The following CSMD1 variants were observed in gnomAD, a reference collection of about 807,000 sequenced individuals.
CSMD1 encodes the protein CUB and Sushi multiple domains 1.
CSMD1 carries 213 observed loss-of-function variants against 417.5 expected under a neutral mutation model. The ratio of observed to expected loss-of-function variants is 0.51; its 90% CI spans 0.46 to 0.57. The LOEUF (loss-of-function observed/expected upper bound fraction) is 0.57. Ranked by LOEUF, CSMD1 falls within the 20% of genes least tolerant of loss-of-function variation. The pLI is 0.00. For synonymous variants in CSMD1, 2,862 were observed against 1,736.8 expected, an observed-to-expected ratio of 1.65 and a Z score of -16.11; for missense variants, 6,923 against 4,529.7, an observed-to-expected ratio of 1.53 and a Z score of -15.17.
At chr8:3,532,200 T>A (rs1261808939) in intron 10 of CSMD1, among the ~76,000 whole-genome samples, 3 of 152,212 alleles carry the variant, frequency 2.0e-5, no homozygotes, top group Non-Finnish European at 2.9e-5. Flanking sequence ...ACCCTTAGTA[T>A]GTCCGTGTCC....
chr8:3,368,290 G>C (rs1809730831), intron 19 of CSMD1, among the ~76,000 whole-genome samples: 2 of 152,136 alleles, frequency 1.3e-5, no homozygotes, highest in South Asian at 2.1e-4. Flanking sequence ...TATGTGAAAA[G>C]ACGAAGTCTA....
intron 5 of CSMD1, among the ~76,000 whole-genome samples, chr8:3,795,509 ATATC>A: frequency 8.6e-4 from 1 of 1,162 alleles, no homozygotes; most frequent in East Asian, 0.019. Context: ...ATATAGATAT[ATATC>A]TATCATAGAT....
At chr8:4,155,341 C>T (rs187923203) in intron 3 of CSMD1, among the ~76,000 whole-genome samples, 3 of 152,268 alleles carry the variant, frequency 2.0e-5, no homozygotes, top group African/African-American at 7.2e-5. Context: ...CTGCATGACT[C>T]CCGCAGGGTA....
intron 5 of CSMD1, among the ~76,000 whole-genome samples, chr8:3,944,066 T>C (rs891223902): frequency 1.3e-5 from 2 of 152,168 alleles, no homozygotes; most frequent in African/African-American, 4.8e-5. Flanking sequence ...CTCTCAACTA[T>C]TTCAAGAAAA....
chr8:4,937,704 C>T (rs10096103), intron 1 of CSMD1, among the ~76,000 whole-genome samples: 37,074 of 151,858 alleles, frequency 0.24, 4,649 homozygotes, highest in East Asian at 0.38. Flanking sequence ...GGGGTATGAA[C>T]GATTTCTTGA....
At chr8:4,644,323 C>T (rs1410012578) in intron 1 of CSMD1, among the ~76,000 whole-genome samples, 1 of 152,304 alleles carries the variant, frequency 6.6e-6, no homozygotes, top group South Asian at 2.1e-4. Flanking sequence ...ATTGAGGCCT[C>T]ATGCAGGTCT....
intron 5 of CSMD1, among the ~76,000 whole-genome samples, chr8:3,969,038 T>G (rs2688350): frequency 0.71 from 108,098 of 152,036 alleles, 39,061 homozygotes; most frequent in East Asian, 0.93. Context: ...ATCACTTGAG[T>G]TCAGGAGTTC....
intron 5 of CSMD1, among the ~76,000 whole-genome samples, chr8:3,976,434 G>C (rs771799579): frequency 4.6e-5 from 7 of 152,122 alleles, no homozygotes; most frequent in Non-Finnish European, 8.8e-5. Context: ...AAGGAAAGCA[G>C]TTTCCTTTTG....
At chr8:3,447,470 G>A (rs1164659163) in intron 12 of CSMD1, among the ~76,000 whole-genome samples, 4 of 152,180 alleles carry the variant, frequency 2.6e-5, no homozygotes, top group Non-Finnish European at 4.4e-5. Flanking sequence ...TTTAGGGTAA[G>A]AGCGATGCAT....
intron 3 of CSMD1, among the ~76,000 whole-genome samples, chr8:4,406,773 G>A (rs73177370): frequency 0.026 from 3,963 of 152,244 alleles, 79 homozygotes; most frequent in Non-Finnish European, 0.038. Flanking sequence ...TAATTTACTA[G>A]AACTCCTGAG....
chr8:3,771,595 G>A (rs1448886713), intron 5 of CSMD1, among the ~76,000 whole-genome samples: 2 of 152,096 alleles, frequency 1.3e-5, no homozygotes, highest in South Asian at 2.1e-4. Flanking sequence ...CAGGGGCAGG[G>A]AGTCAGGCAG....
chr8:3,278,112 A>G (rs1186941242), intron 26 of CSMD1, among the ~76,000 whole-genome samples: 2 of 152,176 alleles, frequency 1.3e-5, no homozygotes, highest in East Asian at 1.9e-4. Flanking sequence ...TCAGCCAAAG[A>G]GCCAATGATA....
chr8:4,620,107 T>C (rs964277870), intron 2 of CSMD1, among the ~76,000 whole-genome samples: 1 of 151,916 alleles, frequency 6.6e-6, no homozygotes, highest in Non-Finnish European at 1.5e-5. Flanking sequence ...AATTAATTAT[T>C]ATCAGTTATA....
chr8:4,832,051 T>C (rs1187252988), intron 1 of CSMD1, among the ~76,000 whole-genome samples: 1 of 152,208 alleles, frequency 6.6e-6, no homozygotes, highest in Non-Finnish European at 1.5e-5. Context: ...TACCTTACAA[T>C]CAAACCAGAA....
chr8:4,614,532 A>G (rs1426488048), intron 2 of CSMD1, among the ~76,000 whole-genome samples: 1 of 152,170 alleles, frequency 6.6e-6, no homozygotes, highest in African/African-American at 2.4e-5. Flanking sequence ...ATTATGTAAC[A>G]TAGCACAAGC....
chr8:3,496,465 G>C (rs1448594075), intron 10 of CSMD1, among the ~76,000 whole-genome samples: 2 of 152,160 alleles, frequency 1.3e-5, no homozygotes, highest in African/African-American at 2.4e-5. Flanking sequence ...GTGTTTATTT[G>C]AAATCTTTCT....
intron 5 of CSMD1, among the ~76,000 whole-genome samples, chr8:3,896,536 G>C (rs1457386082): frequency 6.6e-6 from 1 of 151,806 alleles, no homozygotes; most frequent in Non-Finnish European, 1.5e-5. Context: ...TTTTGAGACA[G>C]AGTCTCGCTC....
At chr8:4,046,566 C>A (rs2740898) in intron 3 of CSMD1, among the ~76,000 whole-genome samples, 81,902 of 151,902 alleles carry the variant, frequency 0.54, 22,796 homozygotes, top group South Asian at 0.61. Context: ...CTGTGGGCTT[C>A]CAGGTATTTT....
chr8:3,759,446 C>T (rs1265273446), intron 5 of CSMD1, among the ~76,000 whole-genome samples: 1 of 152,116 alleles, frequency 6.6e-6, no homozygotes, highest in African/African-American at 2.4e-5. Flanking sequence ...GTGAGGTTTC[C>T]TGGAAGTCTT....
Sources: gnomAD v4.1 joint callset for allele counts (sites outside exome capture counted in the v4.1 genomes callset) on GRCh38, gnomAD v4.1.1 for gene constraint, MANE v1.5 for transcripts, NCBI Gene and HGNC (gene_info 2026-07-23, HGNC 2026-07-21) for gene names.